Variants in TTYH1 observed in about 807,000 individuals in gnomAD.
TTYH1 encodes the protein tweety family member 1.
Under a neutral mutation model 61.2 loss-of-function variants are expected in TTYH1, and 33 were observed. The observed-to-expected ratio is 0.54, with a 90% CI of 0.41 to 0.72. The LOEUF is 0.72. Ranked by LOEUF, TTYH1 falls within the 30% of genes least tolerant of loss-of-function variation. TTYH1 has a pLI of 0.00. For missense variants in TTYH1, 538 were observed against 575.8 expected (o/e 0.93, Z 0.67); for synonymous variants, 308 against 266.4 (o/e 1.16, Z -1.52).
chr19:54,420,745 G>A lies in TTYH1; in HGVS notation c.306-532G>A, dbSNP rs191509631. The A allele has an allele frequency of 7.1e-4, 121 of 169,298 alleles. No individual in the cohort carries two copies. The highest frequency in any genetic ancestry group is 4.7e-3 in the Admixed American group (73 of 15,690). 10.5% of individuals were successfully genotyped at this position (169,298 alleles called of 1,614,324 possible). A position where few individuals can be genotyped will look rare whatever the true frequency, so the allele number is the denominator to read the frequency against. On this transcript the variant is annotated intron_variant, in intron 2 of 13. Transcript: ENST00000376530. The surrounding 1 kb of genome is among the most constrained non-coding windows in gnomAD (Gnocchi z 4.8). Reference sequence around the variant, plus strand: ...GAAGGCCGAGAGCTCCAGGCTCAGCGTCCCCCCAGGAGATGGTGGCAGCTG... The same window carrying A: ...GAAGGCCGAGAGCTCCAGGCTCAGCATCCCCCCAGGAGATGGTGGCAGCTG...
At chr19:54,435,476 T>C (rs758659630) in intron 10 of TTYH1, 66 bp from the exon 11 acceptor site, 94 of 1,526,026 alleles carry the variant, frequency 6.2e-5, no homozygotes, top group Middle Eastern at 2.4e-4. Context: ...GTCAGACTGA[T>C]GTGCACAGTG....
At chr19:54,430,233 C>A (rs945211021) in intron 7 of TTYH1, among the ~76,000 whole-genome samples, 7 of 152,130 alleles carry the variant, frequency 4.6e-5, no homozygotes, top group African/African-American at 1.7e-4. Flanking sequence ...GATAATGGTG[C>A]CAGGAAGAGA....
Position 54,436,226 on chromosome 19 carries a change from G to T in TTYH1, c.*42+55G>T. 6.2e-7 allele frequency: 1 copy of T among 1,606,296 alleles called. No individual in the cohort carries two copies. Among genetic ancestry groups the T allele is most frequent in the East Asian group, 2.2e-5 (1 of 44,810 alleles). ...GCAGCCGGGCCTCTGCCCCCCTCCC[G>T]CCCTCCGAGCTGCTCCAGGCATGGG... is the stretch of plus-strand genomic sequence containing the variant. On this transcript the variant is annotated intron_variant, in intron 13 of 13. Transcript: ENST00000376530. This position sits in a 1 kb window ranked among gnomAD's most constrained non-coding sequence, Gnocchi z 4.3.
At chr19:54,425,202 C>A (rs930460035) in intron 4 of TTYH1, among the ~76,000 whole-genome samples, 10 of 152,220 alleles carry the variant, frequency 6.6e-5, no homozygotes, top group Non-Finnish European at 1.5e-4. Context: ...ACAGTGGACA[C>A]CCTGCCGGAT....
chr19:54,430,118 C>T (rs1718426450), intron 7 of TTYH1, among the ~76,000 whole-genome samples, 161 bp downstream of exon 7: 1 of 152,140 alleles, frequency 6.6e-6, no homozygotes, highest in Admixed American at 6.5e-5. Flanking sequence ...TGGCCACTCC[C>T]CAGCTCGGAG....
At position 54,429,234 on chromosome 19, in the gene TTYH1, G is replaced by C; in HGVS notation, c.735-73G>C. 7.1e-7 allele frequency: 1 copy of C among 1,410,778 alleles called. No individual in the cohort carries two copies. The allele number at this position is 1,410,778 out of a possible 1,614,324, so 87.4% of individuals were successfully genotyped here. On this transcript the variant is annotated intron_variant, in intron 5 of 13. Coordinates refer to ENST00000376530, the MANE Select transcript of TTYH1 (RefSeq NM_020659.4). The surrounding 1 kb of genome is among the most constrained non-coding windows in gnomAD (Gnocchi z 5.1). ...GTGGAGGTGGGGGGCGGCTGTGATG[G>C]GATTTGGGGTGTGGAAAGAGGCTAG...
chr19:54,422,062 A>T (rs929475215), intron 3 of TTYH1, 128 bp from the exon 4 acceptor site: 7 of 710,698 alleles, frequency 9.8e-6, no homozygotes, highest in Non-Finnish European at 1.4e-5. Context: ...CAATCCTCAG[A>T]TGTCCCAGAC....
chr19:54,431,205 C>T lies in TTYH1; in HGVS notation c.1125+14C>T, dbSNP rs776847517. The T allele has an allele frequency of 6.2e-7, 1 of 1,603,274 alleles. No homozygotes were observed. Among genetic ancestry groups the T allele is most frequent in the Non-Finnish European group, 8.5e-7 (1 of 1,170,258 alleles). On this transcript the variant is annotated intron_variant, in intron 10 of 13. Coordinates refer to ENST00000376530, the MANE Select transcript of TTYH1 (RefSeq NM_020659.4). ...AGCCTGCACAAGGTGAAGCCCCTCC[C>T]CTCCCAATTTCTTCTCCCACGGGGG...
Position 54,430,585 on chromosome 19 carries a change from G to C in TTYH1, c.919G>C (p.Val307Leu). 1 of 1,613,586 alleles carries C rather than the reference G, an allele frequency of 6.2e-7. No individual in the cohort carries two copies. Among genetic ancestry groups the C allele is most frequent in the South Asian group, 1.1e-5 (1 of 91,054 alleles). The change falls in exon 8 of 14, where the codon GTC becomes CTC. Residue 307 changes from valine (V) to leucine (L), a missense_variant. Physicochemically the swap from Val to Leu is conservative, Grantham distance 32. Around this residue, in one of 3 missense-constraint regions of TTYH1, gnomAD observed 378 missense variants for 401.2 expected, o/e 0.94. Transcript: ENST00000376530. ...LSYYLLCNRAVSNPFQQRLTL... is the reference protein window; with the variant it reads ...LSYYLLCNRALSNPFQQRLTL... ...CTATTATCTCCTCTGCAACCGGGCC[G>C]TCTCCAACCCCTTCCAACAGGTTAG...
At chr19:54,422,062 A>C in intron 3 of TTYH1, 128 bp from the exon 4 acceptor site, 1 of 710,698 alleles carries the variant, frequency 1.4e-6, no homozygotes, top group Non-Finnish European at 2.3e-6. Flanking sequence ...CAATCCTCAG[A>C]TGTCCCAGAC....
Position 54,415,595 on chromosome 19 carries a change from C to T in TTYH1, c.43C>T (p.Leu15Phe). Residue 15 changes from leucine to phenylalanine, a missense_variant, in exon 1 of 14, where the codon CTC becomes TTC. Around this residue, in one of 3 missense-constraint regions of TTYH1, gnomAD observed 157 missense variants for 157.0 expected, o/e 1.00. Coordinates refer to ENST00000376530, the MANE Select transcript of TTYH1 (RefSeq NM_020659.4). The surrounding 1 kb of genome is among the most constrained non-coding windows in gnomAD (Gnocchi z 5.2). ...CTACCGGCCCTCAGCTTGGGTGCAT[C>T]TCCTCCACCAGCTGCCCCGCGCCGA... ...PGYRPSAWVH[L>F]LHQLPRADFQ... 6.5e-7 allele frequency: 1 copy of T among 1,543,168 alleles called. No homozygotes were observed. The highest frequency in any genetic ancestry group is 8.7e-7 in the Non-Finnish European group (1 of 1,152,008).
At chr19:54,423,268 A>G (rs1347570625) in intron 4 of TTYH1, among the ~76,000 whole-genome samples, 18 of 145,272 alleles carry the variant, frequency 1.2e-4, no homozygotes, top group African/African-American at 4.7e-4. Flanking sequence ...TGCGATCTCG[A>G]CTCACTGCAA....
intron 9 of TTYH1, 91 bp downstream of exon 9, chr19:54,430,996 A>G (rs552463201): frequency 6.9e-7 from 1 of 1,449,048 alleles, no homozygotes; most frequent in African/African-American, 1.6e-5. Context: ...GGGGCTGCAG[A>G]GCTAGGCGGG....
intron 1 of TTYH1, chr19:54,418,226 A>T (rs1004221233): frequency 3.3e-5 from 5 of 151,842 alleles, no homozygotes; most frequent in Non-Finnish European, 7.4e-5. Context: ...CCACGTGGAG[A>T]GCCCTGTTAT....
In TTYH1 at chr19:54,415,950, G is replaced by A; in HGVS notation, c.126+272G>A. The A allele has an allele frequency of 1.9e-6, 2 of 1,059,292 alleles. No individual in the cohort carries two copies. Among genetic ancestry groups the A allele is most frequent in the Non-Finnish European group, 2.7e-6 (2 of 744,074 alleles). 65.6% of individuals were successfully genotyped at this position (1,059,292 alleles called of 1,614,324 possible). A position where few individuals can be genotyped will look rare whatever the true frequency, so the allele number is the denominator to read the frequency against. ...GAGTTCATGGAGAGGAGGGGAGGGG[G>A]GCCCGGATTCCCGGGTGTCTGATAC... On this transcript the variant is annotated intron_variant, in intron 1 of 13. Transcript: ENST00000376530. This position sits in a 1 kb window ranked among gnomAD's most constrained non-coding sequence, Gnocchi z 5.2.
chr19:54,431,457 C>T, intron 10 of TTYH1: 1 of 523,894 alleles, frequency 1.9e-6, no homozygotes, highest in Non-Finnish European at 3.4e-6. Context: ...CCCCATCCCA[C>T]CCTCCCCGTC....
Position 54,416,033 on chromosome 19 carries a change from TA to T in TTYH1, c.126+359del. The T allele has an allele frequency of 7.6e-7, 1 of 1,319,696 alleles. No individual in the cohort carries two copies. Among genetic ancestry groups the T allele is most frequent in the Middle Eastern group, 2.1e-4 (1 of 4,782 alleles). 81.7% of individuals were successfully genotyped at this position (1,319,696 alleles called of 1,614,324 possible). ...GAGGGTAGGTCTACTCTTCCTGCCC[TA>T]AAAGATGACCCTGCCCCACAGGATC... On this transcript the variant is annotated intron_variant, in intron 1 of 13. Transcript: ENST00000376530. The surrounding 1 kb of genome is among the most constrained non-coding windows in gnomAD (Gnocchi z 7.0).
rs1195227621 is a variant in TTYH1 at position 54,429,090 on chromosome 19, C to A, written c.735-217C>A. On this transcript the variant is annotated intron_variant, in intron 5 of 13. Transcript: ENST00000376530. This position sits in a 1 kb window ranked among gnomAD's most constrained non-coding sequence, Gnocchi z 5.1. The stretch of plus-strand genomic sequence containing the variant: ...CCAGCCCAGGGCCCTGCTCATACCC[C>A]ACACCCTGCTCATCTGGGCAGGAGC... Among the ~76,000 whole-genome samples the A allele has an allele frequency of 1.3e-5, 2 of 152,304 alleles. No individual in the cohort carries two copies. The highest frequency in any genetic ancestry group is 4.1e-4 in the South Asian group (2 of 4,828).
chr19:54,434,572 C>T lies in TTYH1; in HGVS notation c.1126-970C>T, dbSNP rs528149499. 2.0e-4 allele frequency: 30 copies of T among 152,608 alleles called. No individual in the cohort carries two copies. In the South Asian group the frequency reaches 5.6e-3, roughly 28 times the overall value. The allele number at this position is 152,608 out of a possible 1,614,324, so 9.5% of individuals were successfully genotyped here. On this transcript the variant is annotated intron_variant, in intron 10 of 13. Coordinates refer to ENST00000376530, the MANE Select transcript of TTYH1 (RefSeq NM_020659.4). This position sits in a 1 kb window ranked among gnomAD's most constrained non-coding sequence, Gnocchi z 4.3. ...AGATGACCTTCTCGGTCCTGTTTAC[C>T]GAAGTTTCCTGGTACTGGGGGCAGC... is the stretch of plus-strand genomic sequence containing the variant.
Sources: allele counts gnomAD v4.1 joint callset (sites outside exome capture counted in the v4.1 genomes callset), GRCh38; gene constraint gnomAD v4.1.1; regional missense constraint gnomAD v4.1.1; non-coding constraint Gnocchi (gnomAD v3.1); transcripts MANE v1.5; gene names NCBI Gene and HGNC (gene_info 2026-07-23, HGNC 2026-07-21).